The following TRPC4 variants were observed in gnomAD, a reference collection of about 807,000 sequenced individuals.
The protein encoded by TRPC4 is short transient receptor potential channel 4.
TRPC4 carries 49 observed loss-of-function variants against 99.4 expected under a neutral mutation model. The observed-to-expected ratio is 0.49, with a 90% confidence interval of 0.39 to 0.63. The LOEUF (loss-of-function observed/expected upper bound fraction) is 0.63, where lower values mean the gene tolerates loss of function less well. TRPC4 is among the 20% of genes least tolerant of loss of function. TRPC4 has a pLI of 0.00. For missense variants in TRPC4, 898 were observed against 1,152.9 expected, an observed-to-expected ratio of 0.78 and a Z score of 3.20; for synonymous variants, 454 against 425.9, an observed-to-expected ratio of 1.07 and a Z score of -0.81.
In TRPC4 at chr13:37,632,713, C is replaced by T. The variant is rs1330003708; in HGVS notation, c.*4190G>A. Among the ~76,000 whole-genome samples, 1 of 151,920 alleles carries T rather than the reference C, an allele frequency of 6.6e-6. No individual in the cohort carries two copies. The highest frequency in any genetic ancestry group is 2.4e-5 in the African/African-American group (1 of 41,346). ...ATAATTTAATACATTTTATTATTAC[C>T]AGTATGCATACAGGTTATCATAAAA... On this transcript the variant is annotated 3_prime_UTR_variant, in exon 11 of 11. Coordinates refer to ENST00000379705, the MANE Select transcript of TRPC4 (RefSeq NM_016179.4).
intron 1 of TRPC4, among the ~76,000 whole-genome samples, chr13:37,856,408 G>C (rs1214476300): frequency 9.3e-6 from 1 of 108,084 alleles, no homozygotes; most frequent in Non-Finnish European, 2.0e-5. Context: ...AAAAAAAAAA[G>C]CCCAGGATCT....
At chr13:37,741,558 G>A (rs1955589993) in intron 3 of TRPC4, among the ~76,000 whole-genome samples, 1 of 152,182 alleles carries the variant, frequency 6.6e-6, no homozygotes, top group African/African-American at 2.4e-5. Flanking sequence ...AATGGTACTT[G>A]AAAGATTATT....
chr13:37,710,386 T>C (rs778668332), intron 3 of TRPC4, among the ~76,000 whole-genome samples: 5 of 151,910 alleles, frequency 3.3e-5, no homozygotes, highest in African/African-American at 7.2e-5. Context: ...TTTGTTTATT[T>C]ATTTATTTTT....
At chr13:37,775,058 C>G (rs867002537) in intron 2 of TRPC4, among the ~76,000 whole-genome samples, 3 of 151,598 alleles carry the variant, frequency 2.0e-5, no homozygotes, top group South Asian at 4.1e-4. Context: ...TTAGAGGGCT[C>G]TAATAAAATG....
chr13:37,714,426 C>T (rs539849294), intron 3 of TRPC4, among the ~76,000 whole-genome samples: 1 of 152,178 alleles, frequency 6.6e-6, no homozygotes, highest in African/African-American at 2.4e-5. Flanking sequence ...TGTGCTGGGC[C>T]TATTTCTTAT....
chr13:37,739,396 C>T (rs1955509045), intron 3 of TRPC4, among the ~76,000 whole-genome samples: 1 of 151,982 alleles, frequency 6.6e-6, no homozygotes. Context: ...TGACGGGGAA[C>T]ACCATAAGGA....
chr13:37,655,002 A>G, intron 7 of TRPC4, 86 bp downstream of exon 7: 1 of 1,088,130 alleles, frequency 9.2e-7, no homozygotes, highest in Non-Finnish European at 1.2e-6. Flanking sequence ...TATAGATTTT[A>G]TTTACGATGA....
intron 1 of TRPC4, among the ~76,000 whole-genome samples, chr13:37,855,334 G>GTATATATA (rs1319645869): frequency 5.3e-5 from 6 of 114,086 alleles, no homozygotes; most frequent in Non-Finnish European, 1.1e-4. Context: ...TATATACAAT[G>GTATATATA]TAGATATATA....
At chr13:37,653,670 G>A (rs1952122701) in intron 7 of TRPC4, among the ~76,000 whole-genome samples, 1 of 152,038 alleles carries the variant, frequency 6.6e-6, no homozygotes, top group African/African-American at 2.4e-5. Context: ...TCTCTGTAAT[G>A]AAGTTACCTA....
chr13:37,800,083 A>G (rs1394606745), intron 1 of TRPC4, among the ~76,000 whole-genome samples: 3 of 152,206 alleles, frequency 2.0e-5, no homozygotes, highest in Non-Finnish European at 4.4e-5. Context: ...TTCCAGATAT[A>G]AGCGCATATG....
intron 2 of TRPC4, among the ~76,000 whole-genome samples, chr13:37,761,343 C>T (rs1385069747): frequency 2.0e-5 from 3 of 151,796 alleles, no homozygotes; most frequent in Non-Finnish European, 4.4e-5. Flanking sequence ...CATGGTCATA[C>T]AGAAATCCAT....
At chr13:37,770,282 C>G (rs1364868026) in intron 2 of TRPC4, among the ~76,000 whole-genome samples, 1 of 151,450 alleles carries the variant, frequency 6.6e-6, no homozygotes, top group African/African-American at 2.4e-5. Context: ...TCACTTTCCA[C>G]ATATCTGTAA....
intron 1 of TRPC4, among the ~76,000 whole-genome samples, chr13:37,816,434 C>T (rs992408739): frequency 3.3e-5 from 5 of 151,874 alleles, no homozygotes; most frequent in African/African-American, 1.2e-4. Flanking sequence ...ACAGGATATA[C>T]ATTCTTCTCA....
intron 1 of TRPC4, among the ~76,000 whole-genome samples, chr13:37,809,080 A>T (rs1957605571): frequency 6.6e-6 from 1 of 152,104 alleles, no homozygotes; most frequent in Admixed American, 6.6e-5. Flanking sequence ...TATAATAGGA[A>T]TCTTTGGCAA....
At chr13:37,800,888 T>C (rs1029100755) in intron 1 of TRPC4, among the ~76,000 whole-genome samples, 2 of 151,922 alleles carry the variant, frequency 1.3e-5, no homozygotes, top group East Asian at 3.9e-4. Context: ...GTATTTCCCT[T>C]ATATTTAATG....
In TRPC4 at chr13:37,746,121, T is replaced by A; in HGVS notation, c.713A>T (p.Lys238Met). Residue 238 changes from lysine to methionine, a missense_variant, in exon 3 of 11, where the codon AAG becomes ATG. This residue lies in a region of TRPC4 where 278 missense variants were observed against 346.6 expected (regional missense o/e 0.80). Coordinates refer to ENST00000379705, the MANE Select transcript of TRPC4 (RefSeq NM_016179.4). ...QELSKVENEFKSEYEELSRQC... is the reference protein window; with the variant it reads ...QELSKVENEFMSEYEELSRQC... ...CCGTGACAGCTCTTCATACTCCGAC[T>A]TGAATTCATTTTCCACCTTGCTCAG... The A allele has an allele frequency of 1.2e-6, 2 of 1,613,948 alleles. No homozygotes were observed. Among genetic ancestry groups the A allele is most frequent in the Admixed American group, 1.7e-5 (1 of 60,004 alleles).
chr13:37,644,733 T>C (rs4391926), intron 8 of TRPC4, among the ~76,000 whole-genome samples: 149,525 of 151,940 alleles, frequency 0.98, 73,620 homozygotes, highest in Non-Finnish European at 1. Flanking sequence ...ATTTGCCAGG[T>C]GTGGTGGCAA....
intron 3 of TRPC4, among the ~76,000 whole-genome samples, chr13:37,696,190 C>G (rs1953898714): frequency 6.6e-6 from 1 of 152,082 alleles, no homozygotes; most frequent in Non-Finnish European, 1.5e-5. Flanking sequence ...TCTCATGAGA[C>G]TTATTCACCA....
rs116483303 is a variant in TRPC4, at chr13:37,752,594, C to A, written c.379-6139G>T. 9.5e-3 allele frequency among the ~76,000 whole-genome samples: 1,448 copies of A among 151,822 alleles called. 22 individuals are homozygous for A. The highest frequency in any genetic ancestry group is 0.033 in the African/African-American group (1,366 of 41,428). On this transcript the variant is annotated intron_variant, in intron 2 of 10. Transcript: ENST00000379705. ...ACCAAAATACCACTTCTGCCCCCCTCCCCCTCCCACACCCTTTTTCTTTGC... is the reference window on the plus strand; with the variant it reads ...ACCAAAATACCACTTCTGCCCCCCTACCCCTCCCACACCCTTTTTCTTTGC...
Sources: allele counts gnomAD v4.1 joint callset (sites outside exome capture counted in the v4.1 genomes callset), GRCh38; gene constraint gnomAD v4.1.1; regional missense constraint gnomAD v4.1.1; transcripts MANE v1.5; gene names NCBI Gene and HGNC (gene_info 2026-07-23, HGNC 2026-07-21).